The following ITFG1 variants were observed in gnomAD, a reference collection of about 807,000 sequenced individuals.
The protein encoded by ITFG1 is T-cell immunomodulatory protein.
ITFG1 carries 34 observed loss-of-function variants against 81.8 expected under a neutral mutation model. The observed-to-expected ratio is 0.42, with a 90% confidence interval of 0.32 to 0.55. The LOEUF is 0.55. Ranked by LOEUF, ITFG1 falls within the 20% of genes least tolerant of loss-of-function variation. ITFG1 has a pLI of 0.17. For missense variants in ITFG1, 672 were observed against 755.4 expected (o/e 0.89, Z 1.29); for synonymous variants, 285 against 270.6 (o/e 1.05, Z -0.52).
intron 6 of ITFG1, among the ~76,000 whole-genome samples, chr16:47,398,288 A>C (rs186015049): frequency 6.6e-6 from 1 of 152,222 alleles, no homozygotes; most frequent in African/African-American, 2.4e-5. Flanking sequence ...CATGAGCCAG[A>C]AAAACAAAAA....
intron 4 of ITFG1, 90 bp downstream of exon 4, chr16:47,452,643 T>C (rs1481041472): frequency 2.4e-6 from 2 of 820,220 alleles, no homozygotes; most frequent in East Asian, 5.5e-5. Flanking sequence ...ATTTAGTATT[T>C]TTATTACTAA....
At chr16:47,418,340 G>A (rs528322568) in intron 6 of ITFG1, among the ~76,000 whole-genome samples, 1 of 152,166 alleles carries the variant, frequency 6.6e-6, no homozygotes, top group South Asian at 2.1e-4. Context: ...CTCTTACTCC[G>A]CTGACTGTTT....
intron 6 of ITFG1, among the ~76,000 whole-genome samples, chr16:47,402,060 G>A (rs914428274): frequency 5.3e-5 from 8 of 152,156 alleles, no homozygotes; most frequent in African/African-American, 1.2e-4. Flanking sequence ...GGGCAGAGAC[G>A]TCTAGTTTTG....
At position 47,315,904 on chromosome 16, in the gene ITFG1, C is replaced by A. The variant is rs12598356; in HGVS notation, c.803-2081G>T. 3.4e-3 allele frequency among the ~76,000 whole-genome samples: 520 copies of A among 152,182 alleles called. 6 individuals are homozygous for A. Among genetic ancestry groups the A allele is most frequent in the East Asian group, 0.023 (119 of 5,172 alleles). ...CTCCTGGGTTCAAGCAATTCTCATG[C>A]CTCAGCCTACTGAGTAGCTGGGATT... On this transcript the variant is annotated intron_variant, in intron 8 of 17. Transcript: ENST00000320640.
chr16:47,424,603 C>T (rs1477397381), intron 6 of ITFG1, among the ~76,000 whole-genome samples: 2 of 152,192 alleles, frequency 1.3e-5, no homozygotes, highest in African/African-American at 4.8e-5. Flanking sequence ...TGGTGACCTA[C>T]AGATTGGGTT....
chr16:47,441,962 G>A (rs933699966), intron 5 of ITFG1, among the ~76,000 whole-genome samples: 1 of 152,190 alleles, frequency 6.6e-6, no homozygotes, highest in African/African-American at 2.4e-5. Context: ...TCCTTAAGCT[G>A]ATAAGCAACT....
intron 6 of ITFG1, among the ~76,000 whole-genome samples, chr16:47,410,973 C>A (rs932538936): frequency 6.6e-6 from 1 of 152,152 alleles, no homozygotes; most frequent in African/African-American, 2.4e-5. Context: ...TCTCCCAAGG[C>A]CCCTGCCTGG....
chr16:47,244,499 C>T (rs921370308), intron 12 of ITFG1, among the ~76,000 whole-genome samples: 3 of 151,652 alleles, frequency 2.0e-5, no homozygotes, highest in South Asian at 2.1e-4. Context: ...ATAAAATATT[C>T]TGTGTTGTAG....
intron 8 of ITFG1, among the ~76,000 whole-genome samples, chr16:47,349,507 T>A (rs1967916407): frequency 6.6e-6 from 1 of 152,130 alleles, no homozygotes; most frequent in Non-Finnish European, 1.5e-5. Context: ...CAAGAAGAGC[T>A]AACTATCCTA....
chr16:47,160,358 C>A (rs1312868114), intron 16 of ITFG1, among the ~76,000 whole-genome samples: 2 of 151,932 alleles, frequency 1.3e-5, no homozygotes, highest in Non-Finnish European at 2.9e-5. Flanking sequence ...ACATACTCTT[C>A]TACATTTTGC....
At chr16:47,433,857 AATAT>A (rs4038737) in intron 5 of ITFG1, among the ~76,000 whole-genome samples, 1,773 of 37,904 alleles carry the variant, frequency 0.047, 49 homozygotes, top group East Asian at 0.082. Context: ...ATAAAAACTG[AATAT>A]ATATATATAT....
intron 6 of ITFG1, among the ~76,000 whole-genome samples, chr16:47,421,522 C>G (rs1320848359): frequency 6.6e-6 from 1 of 152,110 alleles, no homozygotes; most frequent in Admixed American, 6.6e-5. Flanking sequence ...CAAGGATGGT[C>G]TTGATCTCCT....
At chr16:47,260,719 T>G (rs1407057450) in intron 10 of ITFG1, 24 bp from the exon 11 acceptor site, 3 of 1,613,474 alleles carry the variant, frequency 1.9e-6, no homozygotes, top group African/African-American at 2.7e-5. Flanking sequence ...GAAAGGCATT[T>G]CGTTAATATA....
rs532187423 is a variant in ITFG1, at chr16:47,329,680, A to G, written c.803-15857T>C. ...GTTTTATACATGTATTATCTCCTTT[A>G]ATCTTCATAACAACTCAAATTGTGT... On this transcript the variant is annotated intron_variant, in intron 8 of 17. Coordinates refer to ENST00000320640, the MANE Select transcript of ITFG1 (RefSeq NM_030790.5). Among the ~76,000 whole-genome samples, 127 of 152,260 alleles carry G rather than the reference A, an allele frequency of 8.3e-4. 1 individual carries two copies. The highest frequency in any genetic ancestry group is 2.9e-3 in the African/African-American group (121 of 41,572).
chr16:47,423,972 C>T (rs947590858), intron 6 of ITFG1, among the ~76,000 whole-genome samples: 1 of 152,170 alleles, frequency 6.6e-6, no homozygotes, highest in Non-Finnish European at 1.5e-5. Context: ...TGAATGTTGG[C>T]CTGCCTTGCT....
chr16:47,330,416 G>A (rs932310161), intron 8 of ITFG1, among the ~76,000 whole-genome samples: 1 of 151,890 alleles, frequency 6.6e-6, no homozygotes, highest in African/African-American at 2.4e-5. Flanking sequence ...TCAAAAGCAA[G>A]TGAAACAAAA....
At chr16:47,438,104 T>C (rs1424701185) in intron 5 of ITFG1, among the ~76,000 whole-genome samples, 1 of 152,098 alleles carries the variant, frequency 6.6e-6, no homozygotes, top group Non-Finnish European at 1.5e-5. Flanking sequence ...CAGTCTGAGA[T>C]CAAACGGTAA....
intron 6 of ITFG1, among the ~76,000 whole-genome samples, chr16:47,401,995 T>G (rs531339000): frequency 7.2e-5 from 11 of 152,290 alleles, no homozygotes; most frequent in South Asian, 6.2e-4. Context: ...ATACTCTTCA[T>G]GATGACATAT....
intron 10 of ITFG1, among the ~76,000 whole-genome samples, chr16:47,273,790 G>GTTTATTTATTTA (rs138805545): frequency 4.6e-5 from 7 of 151,584 alleles, no homozygotes; most frequent in African/African-American, 1.7e-4. Context: ...TAGTTTGTTT[G>GTTTATTTATTTA]TTTATTTATT....
Sources: gnomAD v4.1 joint callset for allele counts (sites outside exome capture counted in the v4.1 genomes callset) on GRCh38, gnomAD v4.1.1 for gene constraint, MANE v1.5 for transcripts, NCBI Gene and HGNC (gene_info 2026-07-23, HGNC 2026-07-21) for gene names.